The following GALNTL6 variants were observed in gnomAD, a reference collection of about 807,000 sequenced individuals.
GALNTL6 encodes polypeptide N-acetylgalactosaminyltransferase-like 6.
GALNTL6 carries 46 observed loss-of-function variants against 73.7 expected under a neutral mutation model. The ratio of observed to expected loss-of-function variants is 0.62; its 90% CI spans 0.49 to 0.80. The LOEUF (loss-of-function observed/expected upper bound fraction) is 0.80, where lower values mean the gene tolerates loss of function less well. GALNTL6 is among the 30% of genes least tolerant of loss of function. The probability of loss-of-function intolerance (pLI) is 0.00; values close to 1 mark genes in which losing one functional copy is unlikely to be tolerated. For synonymous variants in GALNTL6, 259 were observed against 263.7 expected, an observed-to-expected ratio of 0.98 and a Z score of 0.17; for missense variants, 604 against 755.0, an observed-to-expected ratio of 0.80 and a Z score of 2.34.
At chr4:172,564,156 G>C (rs951745901) in intron 5 of GALNTL6, among the ~76,000 whole-genome samples, 2 of 152,046 alleles carry the variant, frequency 1.3e-5, no homozygotes, top group African/African-American at 4.8e-5. Flanking sequence ...AAATTCCGTA[G>C]CTCTATTTCA....
intron 4 of GALNTL6, among the ~76,000 whole-genome samples, chr4:172,329,278 T>C (rs188346733): frequency 6.6e-6 from 1 of 152,236 alleles, no homozygotes; most frequent in Admixed American, 6.5e-5. Flanking sequence ...AGAGCTGCTA[T>C]TGGCTAATAG....
intron 4 of GALNTL6, among the ~76,000 whole-genome samples, chr4:172,336,606 G>T (rs1184751780): frequency 2.0e-5 from 3 of 151,944 alleles, no homozygotes; most frequent in Non-Finnish European, 2.9e-5. Context: ...TGGTCCAAAG[G>T]TATGGTTGGT....
In GALNTL6 at chr4:172,274,460, G is replaced by A. The variant is rs143529339; in HGVS notation, c.248-37154G>A. 1.3e-4 allele frequency among the ~76,000 whole-genome samples: 20 copies of A among 152,218 alleles called. No homozygotes were observed. The East Asian group carries it at 1.9e-3, about 15-fold the overall frequency. On this transcript the variant is annotated intron_variant, in intron 3 of 12. Coordinates refer to ENST00000506823, the MANE Select transcript of GALNTL6 (RefSeq NM_001034845.3). ...AGAATCAGACAATCCGTAGAGCATCGGTTTGACTTCAAAGTTCATGTTCAT... is the reference window on the plus strand; with the variant it reads ...AGAATCAGACAATCCGTAGAGCATCAGTTTGACTTCAAAGTTCATGTTCAT...
At chr4:172,442,519 T>A (rs1455592328) in intron 5 of GALNTL6, among the ~76,000 whole-genome samples, 1 of 152,228 alleles carries the variant, frequency 6.6e-6, no homozygotes, top group Non-Finnish European at 1.5e-5. Flanking sequence ...TAAATTTTTT[T>A]ACTTTTGTAA....
chr4:173,034,878 A>AGCTTT (rs914998661), intron 12 of GALNTL6, among the ~76,000 whole-genome samples: 4 of 152,074 alleles, frequency 2.6e-5, no homozygotes, highest in African/African-American at 9.7e-5. Flanking sequence ...GAGGGCAGGG[A>AGCTTT]TTTTTGTCTC....
intron 2 of GALNTL6, among the ~76,000 whole-genome samples, chr4:172,157,566 G>A (rs1734324304): frequency 6.6e-6 from 1 of 152,058 alleles, no homozygotes. Context: ...TAGAAGACAA[G>A]TCAATTTACC....
Position 171,827,411 on chromosome 4 carries a change from G to T in GALNTL6, c.138+12693G>T, listed in dbSNP as rs1560803614. On this transcript the variant is annotated intron_variant, in intron 2 of 12. Coordinates refer to ENST00000506823, the MANE Select transcript of GALNTL6 (RefSeq NM_001034845.3). ...CTTCTCAAGGCTCAGAAAATTTAAA[G>T]TTCCAACAACTTTAAGTTTGAATTA... 2.6e-5 allele frequency among the ~76,000 whole-genome samples: 4 copies of T among 152,246 alleles called. No individual in the cohort carries two copies. In the South Asian group the frequency reaches 8.3e-4, roughly 32 times the overall value.
Position 171,955,709 on chromosome 4 carries a change from A to T in GALNTL6, c.138+140991A>T, listed in dbSNP as rs6832654. Among the ~76,000 whole-genome samples the T allele has an allele frequency of 2.0e-5, 3 of 151,656 alleles. 1 individual carries two copies. The highest frequency in any genetic ancestry group is 7.3e-5 in the African/African-American group (3 of 41,262). Reference sequence around the variant, plus strand: ...TTTTTAAAATATATTTTTATCAATAATAGGTTGAATCTCCACATGCAGAAC... The same window carrying T: ...TTTTTAAAATATATTTTTATCAATATTAGGTTGAATCTCCACATGCAGAAC... On this transcript the variant is annotated intron_variant, in intron 2 of 12. Transcript: ENST00000506823.
chr4:172,062,823 A>G (rs560932637), intron 2 of GALNTL6, among the ~76,000 whole-genome samples: 8 of 152,234 alleles, frequency 5.3e-5, no homozygotes, highest in Non-Finnish European at 1.0e-4. Context: ...AAGTCCCCCT[A>G]TCAGAGAGAC....
At chr4:172,699,668 A>G (rs1579357341) in intron 5 of GALNTL6, among the ~76,000 whole-genome samples, 1 of 152,320 alleles carries the variant, frequency 6.6e-6, no homozygotes, top group South Asian at 2.1e-4. Context: ...ACCAGATACT[A>G]TAATCATGAG....
chr4:172,395,584 T>C (rs1743818974), intron 5 of GALNTL6, among the ~76,000 whole-genome samples: 1 of 152,094 alleles, frequency 6.6e-6, no homozygotes, highest in Non-Finnish European at 1.5e-5. Flanking sequence ...AAATAAAATA[T>C]ATTCTGAGAT....
intron 10 of GALNTL6, among the ~76,000 whole-genome samples, chr4:172,968,232 T>C (rs773283744): frequency 6.6e-5 from 10 of 151,256 alleles, no homozygotes; most frequent in Non-Finnish European, 1.3e-4. Flanking sequence ...AAAAGGGGAG[T>C]ACTGCTACTT....
intron 5 of GALNTL6, among the ~76,000 whole-genome samples, chr4:172,729,848 G>T (rs1479497326): frequency 4.6e-5 from 7 of 152,004 alleles, no homozygotes; most frequent in Admixed American, 3.9e-4. Context: ...AATATTAATT[G>T]TTCCAATCCA....
At chr4:172,380,329 T>A in intron 5 of GALNTL6, 1 of 726,080 alleles carries the variant, frequency 1.4e-6, no homozygotes, top group Non-Finnish European at 2.6e-6. Flanking sequence ...ATAGTCCAAG[T>A]TTAAAAGTCC....
At chr4:172,822,702 C>T (rs1742003103) in intron 7 of GALNTL6, among the ~76,000 whole-genome samples, 1 of 152,172 alleles carries the variant, frequency 6.6e-6, no homozygotes, top group Non-Finnish European at 1.5e-5. Context: ...TAAAACAGCA[C>T]CACCTAAGAC....
At position 172,363,563 on chromosome 4, in the gene GALNTL6, C is replaced by A. The variant is rs546004114; in HGVS notation, c.553+14874C>A. Among the ~76,000 whole-genome samples the A allele has an allele frequency of 2.0e-5, 3 of 152,234 alleles. No individual in the cohort carries two copies. In the South Asian group the frequency reaches 6.2e-4, roughly 32 times the overall value. Reference sequence around the variant, plus strand: ...AATTGTTGGTTTCTACCTTTGGAATCATTCTTCATTACTACTATAGTACCC... The same window carrying A: ...AATTGTTGGTTTCTACCTTTGGAATAATTCTTCATTACTACTATAGTACCC... On this transcript the variant is annotated intron_variant, in intron 5 of 12. Coordinates refer to ENST00000506823, the MANE Select transcript of GALNTL6 (RefSeq NM_001034845.3).
chr4:172,298,509 T>C lies in GALNTL6; in HGVS notation c.248-13105T>C, dbSNP rs1207920191. 2.6e-5 allele frequency among the ~76,000 whole-genome samples: 4 copies of C among 152,198 alleles called. No individual in the cohort carries two copies. In the East Asian group the frequency reaches 7.7e-4, roughly 29 times the overall value. On this transcript the variant is annotated intron_variant, in intron 3 of 12. Coordinates refer to ENST00000506823, the MANE Select transcript of GALNTL6 (RefSeq NM_001034845.3). ...CTGGGTTTGTCACAAATAGCTCTTA[T>C]TATTTTGAGATACGTACCATCAATA...
chr4:172,772,784 A>G (rs1218420282), intron 5 of GALNTL6, among the ~76,000 whole-genome samples: 1 of 152,188 alleles, frequency 6.6e-6, no homozygotes, highest in African/African-American at 2.4e-5. Context: ...TTATACAGCA[A>G]GAGGGACTTT....
intron 2 of GALNTL6, among the ~76,000 whole-genome samples, chr4:172,208,411 A>T (rs1162236045): frequency 6.6e-6 from 1 of 152,216 alleles, no homozygotes; most frequent in Non-Finnish European, 1.5e-5. Context: ...AATTAAATAA[A>T]AGAAAATCGT....
Sources: gnomAD v4.1 joint callset for allele counts (sites outside exome capture counted in the v4.1 genomes callset) on GRCh38, gnomAD v4.1.1 for gene constraint, MANE v1.5 for transcripts, NCBI Gene and HGNC (gene_info 2026-07-23, HGNC 2026-07-21) for gene names.